The following IRAG1 variants were observed in gnomAD, a reference collection of about 807,000 sequenced individuals.
IRAG1 encodes inositol 1,4,5-triphosphate receptor associated 1.
In IRAG1, 62 loss-of-function variants were observed where a neutral mutation model predicts 106.2. That is an observed-to-expected ratio of 0.58 (90% CI 0.48 to 0.72). IRAG1 has a LOEUF of 0.72. Ranked by LOEUF, IRAG1 falls within the 30% of genes least tolerant of loss-of-function variation. The pLI is 0.00. For synonymous variants in IRAG1, 462 were observed against 443.9 expected, an observed-to-expected ratio of 1.04 and a Z score of -0.51; for missense variants, 1,064 against 1,140.7, an observed-to-expected ratio of 0.93 and a Z score of 0.97.
intron 1 of IRAG1, among the ~76,000 whole-genome samples, chr11:10,683,886 T>C (rs1002527058): frequency 1.4e-5 from 2 of 147,414 alleles, no homozygotes; most frequent in African/African-American, 5.0e-5. Flanking sequence ...GTTGACACTT[T>C]AAAAAAAAAA....
At position 10,629,638 on chromosome 11, in the gene IRAG1, C is replaced by T; in HGVS notation, c.474G>A (p.Lys158=). 1 of 1,613,984 alleles carries T rather than the reference C, an allele frequency of 6.2e-7. No individual in the cohort carries two copies. The highest frequency in any genetic ancestry group is 8.5e-7 in the Non-Finnish European group (1 of 1,179,880). ...PDISISEEDK[K]KNLALLEEAK... Reference sequence around the variant, plus strand: ...CTTCTTCCAGCAGCGCCAGGTTTTTCTTCTTGTCCTCCTCTGAGATGCTGA... The same window carrying T: ...CTTCTTCCAGCAGCGCCAGGTTTTTTTTCTTGTCCTCCTCTGAGATGCTGA... The change falls in exon 5 of 21, where the codon AAG becomes AAA. Residue 158 remains lysine (K), a synonymous_variant. Transcript: ENST00000423302.
At chr11:10,622,903 T>C (rs1267048157) in intron 10 of IRAG1, among the ~76,000 whole-genome samples, 15 of 54,144 alleles carry the variant, frequency 2.8e-4, no homozygotes, top group East Asian at 2.1e-3. Context: ...ACACACACAC[T>C]CCTGCCCTTG....
At chr11:10,582,051 A>C in intron 18 of IRAG1, 65 bp from the exon 19 acceptor site, 1 of 1,537,982 alleles carries the variant, frequency 6.5e-7, no homozygotes, top group Non-Finnish European at 8.8e-7. Flanking sequence ...AAACAAAACC[A>C]TGTTTTTGGC....
intron 13 of IRAG1, 80 bp downstream of exon 13, chr11:10,604,325 T>C (rs1854299152): frequency 1.5e-5 from 23 of 1,560,314 alleles, no homozygotes; most frequent in Non-Finnish European, 3.5e-6. Flanking sequence ...ACTTGGTACC[T>C]GAGAGAAGCA....
In IRAG1 at chr11:10,629,673, G is replaced by A. The variant is rs774342087; in HGVS notation, c.439C>T (p.Leu147=). The change falls in exon 5 of 21, where the codon CTG becomes TTG. Residue 147 remains leucine, a synonymous_variant. Coordinates refer to ENST00000423302, the MANE Select transcript of IRAG1 (RefSeq NM_130385.4). ...TCCTCTGAGATGCTGATGTCTGGCA[G>A]CTGGTCATTCACCAGGTCAATGATG... ...GHIIDLVNDQ[L]PDISISEEDK... is the part of the protein sequence containing the mutation. 1.2e-6 allele frequency: 2 copies of A among 1,613,910 alleles called. No individual in the cohort carries two copies. The highest frequency in any genetic ancestry group is 1.7e-5 in the Admixed American group (1 of 60,004).
chr11:10,599,650 C>T (rs1292391342), intron 15 of IRAG1: 1 of 152,182 alleles, frequency 6.6e-6, no homozygotes, highest in Admixed American at 6.5e-5. Flanking sequence ...TGTACTTTCC[C>T]TTCTGCAGCT....
chr11:10,641,055 T>A (rs1308294969), intron 2 of IRAG1, among the ~76,000 whole-genome samples: 1 of 152,196 alleles, frequency 6.6e-6, no homozygotes, highest in African/African-American at 2.4e-5. Context: ...TCTCTCTCTC[T>A]CTCTCGACTG....
intron 15 of IRAG1, among the ~76,000 whole-genome samples, chr11:10,597,936 C>T (rs570716464): frequency 1.3e-5 from 2 of 152,294 alleles, no homozygotes; most frequent in South Asian, 4.1e-4. Context: ...TTTTCAAATC[C>T]TCTGCATATT....
chr11:10,689,968 C>CT (rs1188132860), intron 1 of IRAG1, among the ~76,000 whole-genome samples: 1 of 151,982 alleles, frequency 6.6e-6, no homozygotes, highest in Non-Finnish European at 1.5e-5. Context: ...ACATGCATTA[C>CT]TTTTTTTTCT....
chr11:10,611,072 G>T (rs2134408628), intron 10 of IRAG1, among the ~76,000 whole-genome samples: 1 of 152,306 alleles, frequency 6.6e-6, no homozygotes, highest in Admixed American at 6.5e-5. Flanking sequence ...ACCATGAAGA[G>T]ACAAGAGGCT....
intron 18 of IRAG1, among the ~76,000 whole-genome samples, chr11:10,588,318 A>T (rs781607331): frequency 3.3e-5 from 5 of 152,152 alleles, no homozygotes; most frequent in Non-Finnish European, 7.3e-5. Context: ...TTTTTACTTT[A>T]AAAGTAAGTT....
chr11:10,670,487 G>A (rs748014381), intron 1 of IRAG1, among the ~76,000 whole-genome samples: 6 of 152,126 alleles, frequency 3.9e-5, no homozygotes, highest in Non-Finnish European at 5.9e-5. Flanking sequence ...GTCATTTGGT[G>A]GTCACGGTGA....
At chr11:10,618,096 A>G (rs1855564947) in intron 10 of IRAG1, among the ~76,000 whole-genome samples, 1 of 152,162 alleles carries the variant, frequency 6.6e-6, no homozygotes, top group African/African-American at 2.4e-5. Flanking sequence ...CTTGTTGCCC[A>G]TCTCTCTGGG....
chr11:10,688,917 C>T (rs1441852257), intron 1 of IRAG1, among the ~76,000 whole-genome samples: 1 of 152,158 alleles, frequency 6.6e-6, no homozygotes, highest in Non-Finnish European at 1.5e-5. Flanking sequence ...CTCTCTGTGC[C>T]CCAGTTTCCT....
chr11:10,642,894 G>A (rs1196265248), intron 2 of IRAG1, among the ~76,000 whole-genome samples: 4 of 152,134 alleles, frequency 2.6e-5, no homozygotes, highest in African/African-American at 9.7e-5. Flanking sequence ...GCCGGGCACG[G>A]TGGCTCACGC....
chr11:10,635,155 G>T (rs553282016), intron 2 of IRAG1, among the ~76,000 whole-genome samples: 2 of 152,348 alleles, frequency 1.3e-5, no homozygotes, highest in East Asian at 3.9e-4. Flanking sequence ...TTCCACGACA[G>T]TCCTACCTTT....
intron 1 of IRAG1, among the ~76,000 whole-genome samples, chr11:10,661,800 CA>C (rs767785513): frequency 1.5e-4 from 23 of 152,308 alleles, no homozygotes; most frequent in Middle Eastern, 3.4e-3. Flanking sequence ...ATCATATCTG[CA>C]AAGGCCCTTT....
intron 3 of IRAG1, among the ~76,000 whole-genome samples, chr11:10,633,166 C>T (rs2134655849): frequency 1.3e-5 from 2 of 151,574 alleles, no homozygotes; most frequent in Middle Eastern, 3.4e-3. Context: ...GCTCCGCCTC[C>T]CGGGTTCACG....
chr11:10,652,422 A>G, intron 1 of IRAG1: 1 of 1,050,278 alleles, frequency 9.5e-7, no homozygotes, highest in Non-Finnish European at 1.3e-6. Context: ...CAGTAAACAC[A>G]GCTATCCCAG....
Sources: allele counts gnomAD v4.1 joint callset (sites outside exome capture counted in the v4.1 genomes callset), GRCh38; gene constraint gnomAD v4.1.1; transcripts MANE v1.5; gene names NCBI Gene and HGNC (gene_info 2026-07-23, HGNC 2026-07-21).